USP53: variants seen among roughly 807,000 people sequenced by gnomAD.
USP53 encodes the protein ubiquitin specific peptidase 53.
Under a neutral mutation model 94.9 loss-of-function variants are expected in USP53, and 71 were observed. The observed-to-expected ratio is 0.75, with a 90% confidence interval of 0.62 to 0.91. USP53 has a LOEUF of 0.91. Among genes scored for constraint, USP53 ranks in the 40% least tolerant of loss-of-function variants. USP53 has a pLI of 0.00. For missense variants in USP53, 1,173 were observed against 1,281.0 expected (o/e 0.92, Z 1.29); for synonymous variants, 375 against 422.7 (o/e 0.89, Z 1.39).
chr4:119,272,129 A>G, intron 16 of USP53, 95 bp downstream of exon 16: 1 of 1,342,728 alleles, frequency 7.4e-7, no homozygotes, highest in Non-Finnish European at 1.0e-6. Flanking sequence ...ATTAAATAGA[A>G]CAGAAACAGC....
chr4:119,250,518 C>T (rs1578475072), intron 7 of USP53, among the ~76,000 whole-genome samples: 1 of 152,134 alleles, frequency 6.6e-6, no homozygotes, highest in African/African-American at 2.4e-5. Flanking sequence ...TTCCATATTT[C>T]TTCTGTTTAT....
chr4:119,215,139 C>T (rs531063346), intron 2 of USP53, among the ~76,000 whole-genome samples: 1 of 152,184 alleles, frequency 6.6e-6, no homozygotes, highest in South Asian at 2.1e-4. Context: ...AAAATGATTG[C>T]CAGTTTCGCT....
rs534879077 is a variant in USP53, at chr4:119,252,252, T to A, written c.372+3370T>A. Among the ~76,000 whole-genome samples the A allele has an allele frequency of 2.0e-5, 3 of 152,340 alleles. No homozygotes were observed. The South Asian group carries it at 6.2e-4, about 32-fold the overall frequency. ...TCAGGATGATGCTGGCCTCATAAAATGAGTTAGGGAGGATTCCCTCTTTTT... is the reference window on the plus strand; with the variant it reads ...TCAGGATGATGCTGGCCTCATAAAAAGAGTTAGGGAGGATTCCCTCTTTTT... On this transcript the variant is annotated intron_variant, in intron 7 of 18. Coordinates refer to ENST00000692078, the MANE Select transcript of USP53 (RefSeq NM_001371395.1).
intron 9 of USP53, among the ~76,000 whole-genome samples, chr4:119,257,463 T>G (rs930056985): frequency 2.0e-5 from 3 of 152,110 alleles, no homozygotes; most frequent in Non-Finnish European, 2.9e-5. Flanking sequence ...AACAAAAAAG[T>G]TGGCATGTGG....
chr4:119,262,476 T>C (rs1372654929), intron 12 of USP53, among the ~76,000 whole-genome samples: 1 of 151,136 alleles, frequency 6.6e-6, no homozygotes, highest in Non-Finnish European at 1.5e-5. Context: ...TTAACACATA[T>C]TCTGTATGTT....
At position 119,216,363 on chromosome 4, in the gene USP53, C is replaced by T. The variant is rs1464821455; in HGVS notation, c.-788-1187C>T. On this transcript the variant is annotated intron_variant, in intron 2 of 18. Transcript: ENST00000692078. ...GCCGTTGCTCTACATCCTGGGCGAC[C>T]GAGTGAGACTCTGTCTAAAAAAAAA... Among the ~76,000 whole-genome samples, 5 of 145,784 alleles carry T rather than the reference C, an allele frequency of 3.4e-5. No homozygotes were observed. In the East Asian group the frequency reaches 8.1e-4, roughly 24 times the overall value.
intron 12 of USP53, among the ~76,000 whole-genome samples, chr4:119,262,689 CA>C (rs1241214020): frequency 6.6e-6 from 1 of 152,094 alleles, no homozygotes; most frequent in Non-Finnish European, 1.5e-5. Flanking sequence ...GTGACAGAGG[CA>C]GAAGAAAATT....
chr4:119,239,834 A>G lies in USP53; in HGVS notation c.75A>G (p.Ser25=). 1 of 1,613,040 alleles carries G rather than the reference A, an allele frequency of 6.2e-7. No homozygotes were observed. The change falls in exon 5 of 19, where the codon TCA becomes TCG. Residue 25 remains serine (S), a synonymous_variant. Coordinates refer to ENST00000692078, the MANE Select transcript of USP53 (RefSeq NM_001371395.1). ...TTTATCAGCCTGGAAGTATGCTATCACTAGCCCCTACCAAAGGCTTGTTAA... is the reference window on the plus strand; with the variant it reads ...TTTATCAGCCTGGAAGTATGCTATCGCTAGCCCCTACCAAAGGCTTGTTAA... The part of the protein sequence containing the change: ...GKVYQPGSML[S]LAPTKGLLNE...
intron 12 of USP53, among the ~76,000 whole-genome samples, chr4:119,263,297 T>C (rs1158007859): frequency 6.6e-6 from 1 of 152,170 alleles, no homozygotes; most frequent in African/African-American, 2.4e-5. Context: ...GCTCTATAAT[T>C]ACCCCCTGCT....
intron 5 of USP53, among the ~76,000 whole-genome samples, chr4:119,241,033 G>A (rs7685268): frequency 0.29 from 43,918 of 151,968 alleles, 6,501 homozygotes; most frequent in East Asian, 0.39. Flanking sequence ...GTGAGAAAGC[G>A]TTTCTGGCAT....
chr4:119,291,143 TCCCC>T lies in USP53; in HGVS notation c.2252-21_2252-18del. On this transcript the variant is annotated intron_variant, in intron 17 of 18. Coordinates refer to ENST00000692078, the MANE Select transcript of USP53 (RefSeq NM_001371395.1). ...ATAATTTTGTTTTCCTCATCTCTTC[TCCCC>T]ACCCCACCCAACCCTAGGCTTTAGA... 1.3e-6 allele frequency: 1 copy of T among 747,564 alleles called. No individual in the cohort carries two copies. The allele number at this position is 747,564 out of a possible 1,614,324, so 46.3% of individuals were successfully genotyped here.
intron 14 of USP53, 62 bp from the exon 15 acceptor site, chr4:119,269,629 T>A: frequency 8.5e-7 from 1 of 1,170,510 alleles, no homozygotes; most frequent in Non-Finnish European, 1.1e-6. Flanking sequence ...AGATCAATTT[T>A]TATTTTTATT....
At chr4:119,252,893 A>G (rs1340164711) in intron 7 of USP53, among the ~76,000 whole-genome samples, 2 of 152,122 alleles carry the variant, frequency 1.3e-5, no homozygotes, top group South Asian at 4.1e-4. Flanking sequence ...TTCCTTCCAC[A>G]CACTGCCTTA....
In USP53 at chr4:119,292,257, T is replaced by A. The variant is rs901861772; in HGVS notation, c.2349-81T>A. 5.7e-6 allele frequency: 8 copies of A among 1,397,990 alleles called. No homozygotes were observed. In the African/African-American group the frequency reaches 1.2e-4, roughly 20 times the overall value. 86.6% of individuals were successfully genotyped at this position (1,397,990 alleles called of 1,614,324 possible). A position where few individuals can be genotyped will look rare whatever the true frequency, so the allele number is the denominator to read the frequency against. On this transcript the variant is annotated intron_variant, in intron 18 of 18. Transcript: ENST00000692078. ...AAACTGTATTTTGGGAAAATCAAAC[T>A]ACAAAACAAATGTTTATTTTCCCCT...
intron 7 of USP53, among the ~76,000 whole-genome samples, chr4:119,254,872 G>A (rs748000313): frequency 3.4e-4 from 52 of 152,132 alleles, no homozygotes; most frequent in Non-Finnish European, 1.2e-4. Context: ...TCTACCTTTG[G>A]TATTTGATGT....
chr4:119,235,252 TG>T (rs1417071012), intron 3 of USP53, 37 bp from the exon 4 acceptor site: 3 of 152,270 alleles, frequency 2.0e-5, no homozygotes, highest in Non-Finnish European at 4.4e-5. Flanking sequence ...ACTCAGTGAC[TG>T]TTACCCAGAG....
intron 7 of USP53, among the ~76,000 whole-genome samples, chr4:119,255,879 A>G (rs1291921848): frequency 6.6e-6 from 1 of 152,184 alleles, no homozygotes; most frequent in Non-Finnish European, 1.5e-5. Flanking sequence ...TCAGCCATCC[A>G]GGATTTTTTT....
chr4:119,246,587 A>C (rs1453454078), intron 6 of USP53, among the ~76,000 whole-genome samples: 1 of 152,224 alleles, frequency 6.6e-6, no homozygotes, highest in Non-Finnish European at 1.5e-5. Context: ...TGGTTTATTT[A>C]CAGAGCAATA....
In USP53 at chr4:119,281,688, T is replaced by C. The variant is rs1245459288; in HGVS notation, c.2251+7980T>C. Among the ~76,000 whole-genome samples, 3 of 152,156 alleles carry C rather than the reference T, an allele frequency of 2.0e-5. 1 individual carries two copies. The highest frequency in any genetic ancestry group is 4.1e-4 in the South Asian group (2 of 4,832). On this transcript the variant is annotated intron_variant, in intron 17 of 18. Transcript: ENST00000692078. ...AATGATGCTTGCTTCCTGATAGTTA[T>C]AAAAACACAAGATCGTAGAGATTTT...
Sources: allele counts gnomAD v4.1 joint callset (sites outside exome capture counted in the v4.1 genomes callset), GRCh38; gene constraint gnomAD v4.1.1; transcripts MANE v1.5; gene names NCBI Gene and HGNC (gene_info 2026-07-23, HGNC 2026-07-21).